CLIC5: variants seen among roughly 807,000 people sequenced by gnomAD.
The protein encoded by CLIC5 is CLIC family member 5, also known as chloride intracellular channel protein 5.
In CLIC5, 20 loss-of-function variants were observed where a neutral mutation model predicts 24.7. That is an observed-to-expected ratio of 0.81 (90% CI 0.57 to 1.18). The LOEUF (loss-of-function observed/expected upper bound fraction) is 1.18, where lower values mean the gene tolerates loss of function less well. Ranked by LOEUF, CLIC5 falls within the 50% of genes most tolerant of loss-of-function variation. CLIC5 has a pLI of 0.00. For synonymous variants in CLIC5, 159 were observed against 135.6 expected, an observed-to-expected ratio of 1.17 and a Z score of -1.20; for missense variants, 341 against 326.1, an observed-to-expected ratio of 1.05 and a Z score of -0.35.
In CLIC5 at chr6:45,972,771, A is replaced by G. The variant is rs537760180; in HGVS notation, c.64-17527T>C. Among the ~76,000 whole-genome samples, 7 of 152,374 alleles carry G rather than the reference A, an allele frequency of 4.6e-5. No homozygotes were observed. The East Asian group carries it at 1.3e-3, about 29-fold the overall frequency. ...CAAGATAAAGGCCTCATACAGCAAC[A>G]ATCGGAAGACCTTTAAAACCGATGC... On this transcript the variant is annotated intron_variant, in intron 1 of 5. Coordinates refer to ENST00000339561, the MANE Select transcript of CLIC5 (RefSeq NM_016929.5).
At chr6:45,994,882 T>A (rs1581838560) in intron 1 of CLIC5, among the ~76,000 whole-genome samples, 1 of 152,098 alleles carries the variant, frequency 6.6e-6, no homozygotes, top group East Asian at 1.9e-4. Flanking sequence ...CACCAGAAAA[T>A]AATTAAAGGG....
chr6:45,937,351 G>A (rs1487207074), intron 4 of CLIC5: 1 of 152,236 alleles, frequency 6.6e-6, no homozygotes, highest in East Asian at 1.9e-4. Flanking sequence ...TACATGCGCT[G>A]AGTTATAAAA....
chr6:46,015,101 G>T (rs1766949957), intron 1 of CLIC5, among the ~76,000 whole-genome samples: 1 of 152,134 alleles, frequency 6.6e-6, no homozygotes, highest in African/African-American at 2.4e-5. Context: ...CCCTCCTCCC[G>T]TTTTAAAGGA....
chr6:46,090,402 TG>T, the CLIC5 span, among the ~76,000 whole-genome samples: 23,000 of 134,898 alleles, frequency 0.17, 1,987 homozygotes, highest in South Asian at 0.37. Flanking sequence ...GTCAACTTGA[TG>T]GGTTTTTTTT....
chr6:46,114,114 AGAGT>A, the CLIC5 span, among the ~76,000 whole-genome samples: 8 of 152,226 alleles, frequency 5.3e-5, no homozygotes, highest in Non-Finnish European at 7.3e-5. Context: ...GGCTCCTGAA[AGAGT>A]GAGTAGGCCA....
At chr6:46,079,818 G>A (rs1470307976) in exon 1 of CLIC5, 1 of 1,552,098 alleles carries the variant, frequency 6.4e-7, no homozygotes. Context: ...GTGCTGAATG[G>A]TGAAGCTTGA....
chr6:45,954,400 C>T (rs1764574514), intron 2 of CLIC5, among the ~76,000 whole-genome samples: 1 of 151,946 alleles, frequency 6.6e-6, no homozygotes, highest in African/African-American at 2.4e-5. Flanking sequence ...AGAGAACATC[C>T]AAGTGAAACT....
At chr6:46,050,419 C>T (rs1768071381) in intron 1 of CLIC5, among the ~76,000 whole-genome samples, 2 of 152,126 alleles carry the variant, frequency 1.3e-5, no homozygotes, top group Non-Finnish European at 2.9e-5. Flanking sequence ...TGTCCAAGCA[C>T]AAAGTAAACT....
Position 45,943,441 on chromosome 6 carries a change from G to T in CLIC5, c.300-1788C>A, listed in dbSNP as rs549418186. On this transcript the variant is annotated intron_variant, in intron 3 of 5. Transcript: ENST00000339561. ...GCTGTGGCTGGGGGCACACAGCAGG[G>T]CTTCCTGCAAGATACTAGGTAATCT... Among the ~76,000 whole-genome samples, 47 of 152,310 alleles carry T rather than the reference G, an allele frequency of 3.1e-4. 1 individual carries two copies. The highest frequency in any genetic ancestry group is 1.1e-3 in the African/African-American group (46 of 41,564).
At chr6:46,093,125 G>T in the CLIC5 span, among the ~76,000 whole-genome samples, 3 of 151,908 alleles carry the variant, frequency 2.0e-5, no homozygotes, top group Admixed American at 1.3e-4. Context: ...CCTTCCCCAT[G>T]AAGCCCCATC....
intron 5 of CLIC5, among the ~76,000 whole-genome samples, chr6:45,904,833 C>T (rs2127296132): frequency 6.6e-6 from 1 of 150,848 alleles, no homozygotes; most frequent in East Asian, 2.0e-4. Context: ...ATGATTGGTC[C>T]TGTCACCTAA....
At chr6:45,932,540 A>G (rs76027655) in intron 4 of CLIC5, among the ~76,000 whole-genome samples, 3,182 of 152,326 alleles carry the variant, frequency 0.021, 123 homozygotes, top group African/African-American at 0.073. Flanking sequence ...AAGGGAAGGA[A>G]GCACTGTGAC....
intron 1 of CLIC5, among the ~76,000 whole-genome samples, chr6:46,024,716 C>T (rs1194552570): frequency 6.6e-6 from 1 of 152,090 alleles, no homozygotes; most frequent in South Asian, 2.1e-4. Context: ...TTTATACTCA[C>T]ATTAGTTAGA....
intron 1 of CLIC5, among the ~76,000 whole-genome samples, chr6:46,051,283 G>A (rs1768095303): frequency 6.6e-6 from 1 of 152,200 alleles, no homozygotes; most frequent in Non-Finnish European, 1.5e-5. Flanking sequence ...TGTTGGCCAG[G>A]AACTTGGAGA....
At chr6:46,119,694 C>T in the CLIC5 span, among the ~76,000 whole-genome samples, 1 of 152,228 alleles carries the variant, frequency 6.6e-6, no homozygotes, top group Non-Finnish European at 1.5e-5. Flanking sequence ...CCAAGCAAGG[C>T]TGTGACAGAC....
In CLIC5 at chr6:46,015,814, C is replaced by G. The variant is rs1209616754; in HGVS notation, c.-272G>C. 1.4e-5 allele frequency: 16 copies of G among 1,180,442 alleles called. No individual in the cohort carries two copies. Among genetic ancestry groups the G allele is most frequent in the Non-Finnish European group, 1.7e-5 (16 of 954,588 alleles). 73.1% of individuals were successfully genotyped at this position (1,180,442 alleles called of 1,614,324 possible). A position where few individuals can be genotyped will look rare whatever the true frequency, so the allele number is the denominator to read the frequency against. On this transcript the variant is annotated 5_prime_UTR_variant, in exon 1 of 6. Transcript: ENST00000339561. ...GAATGACAACAGGTCGTGGGAGCAA[C>G]AAGTGCCGGGCTGCCCGGAGGTGTC...
rs562936637 is a variant in CLIC5 at position 45,996,479 on chromosome 6, G to A, written c.63+19001C>T. ...TTCTTCTAGGGTTTTTATGGTTTTA[G>A]GTCTAAAGTTTAAGTCTTTAATCCA... On this transcript the variant is annotated intron_variant, in intron 1 of 5. Transcript: ENST00000339561. Among the ~76,000 whole-genome samples the A allele has an allele frequency of 9.0e-4, 137 of 152,238 alleles. 1 individual carries two copies. Among genetic ancestry groups the A allele is most frequent in the African/African-American group, 3.2e-3 (134 of 41,534 alleles).
At chr6:45,964,125 T>G (rs535266423) in intron 1 of CLIC5, among the ~76,000 whole-genome samples, 2 of 152,228 alleles carry the variant, frequency 1.3e-5, no homozygotes, top group Non-Finnish European at 2.9e-5. Context: ...CCACACTCTC[T>G]GCCTCCAAGT....
In CLIC5 at chr6:45,941,612, G is replaced by C; in HGVS notation, c.341C>G (p.Ala114Gly). 1 of 1,613,952 alleles carries C rather than the reference G, an allele frequency of 6.2e-7. No individual in the cohort carries two copies. Among genetic ancestry groups the C allele is most frequent in the Non-Finnish European group, 8.5e-7 (1 of 1,179,922 alleles). ...LAAKHRESNTAGIDIFSKFSA... is the reference protein window; with the variant it reads ...LAAKHRESNTGGIDIFSKFSA... ...AAACTTGGAAAAGATGTCGATGCCCGCTGTGTTGGATTCCCGGTGTTTTGC... is the reference window on the plus strand; with the variant it reads ...AAACTTGGAAAAGATGTCGATGCCCCCTGTGTTGGATTCCCGGTGTTTTGC... The change falls in exon 4 of 6, where the codon GCG becomes GGG. Residue 114 changes from alanine to glycine, a missense_variant. By Grantham distance (60) the Ala-to-Gly change is moderately conservative. Transcript: ENST00000339561.
Sources: gnomAD v4.1 joint callset for allele counts (sites outside exome capture counted in the v4.1 genomes callset) on GRCh38, gnomAD v4.1.1 for gene constraint, MANE v1.5 for transcripts, NCBI Gene and HGNC (gene_info 2026-07-23, HGNC 2026-07-21) for gene names.